Variants in TCF4 observed in about 807,000 individuals in gnomAD.
TCF4 encodes the protein SL3-3 enhancer factor 2.
TCF4 carries 3 observed loss-of-function variants against 82.1 expected under a neutral mutation model. That is an observed-to-expected ratio of 0.04 (90% CI 0.02 to 0.09). The LOEUF (loss-of-function observed/expected upper bound fraction) is 0.09, where lower values mean the gene tolerates loss of function less well. Ranked by LOEUF, TCF4 falls within the 10% of genes least tolerant of loss-of-function variation. The pLI is 1.00. For missense variants in TCF4, 518 were observed against 852.7 expected (o/e 0.61, Z 4.89); for synonymous variants, 276 against 309.6 (o/e 0.89, Z 1.14).
At chr18:55,523,130 A>C (rs1021395761) in intron 3 of TCF4, among the ~76,000 whole-genome samples, 1 of 152,072 alleles carries the variant, frequency 6.6e-6, no homozygotes, top group East Asian at 1.9e-4. Flanking sequence ...AAAGGAAAAA[A>C]CTGCCAAAAT....
At chr18:55,260,511 G>A (rs1488937730) in intron 12 of TCF4, among the ~76,000 whole-genome samples, 1 of 152,064 alleles carries the variant, frequency 6.6e-6, no homozygotes, top group Non-Finnish European at 1.5e-5. Flanking sequence ...TGCTCTCAAT[G>A]GTAAAAGCCA....
At chr18:55,608,955 C>T (rs1380102489) in intron 2 of TCF4, among the ~76,000 whole-genome samples, 3 of 152,118 alleles carry the variant, frequency 2.0e-5, no homozygotes, top group Admixed American at 2.0e-4. Context: ...GAGGAGGTAA[C>T]GAGGTCAGGA....
intron 10 of TCF4, among the ~76,000 whole-genome samples, chr18:55,275,334 T>G (rs1309014972): frequency 8.2e-6 from 1 of 122,026 alleles, no homozygotes; most frequent in African/African-American, 3.1e-5. Context: ...ACAACTTAAA[T>G]AGGTATCTAT....
In TCF4 at chr18:55,365,185, ATATATATG is replaced by A. The variant is rs1216917065; in HGVS notation, c.370-14190_370-14183del. ...TATATATATATATATATATATATAT[ATATATATG>A]TGTGTGTGTGTGTGTGTATATATAT... On this transcript the variant is annotated intron_variant, in intron 6 of 19. Coordinates refer to ENST00000354452, the MANE Select transcript of TCF4 (RefSeq NM_001083962.2). Among the ~76,000 whole-genome samples the A allele has an allele frequency of 1.3e-3, 134 of 105,692 alleles. 1 individual carries two copies. The highest frequency in any genetic ancestry group is 3.0e-3 in the Admixed American group (31 of 10,246). The allele number at this position is 105,692 out of a possible 152,430, so 69.3% of individuals were successfully genotyped here.
intron 3 of TCF4, among the ~76,000 whole-genome samples, chr18:55,546,576 CTATTT>C (rs1181825756): frequency 6.6e-6 from 1 of 152,024 alleles, no homozygotes; most frequent in African/African-American, 2.4e-5. Context: ...GATTGTATTT[CTATTT>C]GTTTTTCAAT....
Position 55,519,031 on chromosome 18 carries a change from C to CA in TCF4, c.146-54895dup, listed in dbSNP as rs1357220954. On this transcript the variant is annotated intron_variant, in intron 3 of 19. Transcript: ENST00000354452. ...GTCAATGCTCTTCAATAGTCTTCAG[C>CA]ACAAAGAGGGAAAAATAGGTGGAAA... 2.0e-5 allele frequency: 3 copies of CA among 152,090 alleles called. No homozygotes were observed. The East Asian group carries it at 5.8e-4, about 29-fold the overall frequency. The allele number at this position is 152,090 out of a possible 1,614,324, so 9.4% of individuals were successfully genotyped here.
chr18:55,498,853 T>C (rs1213703805), intron 3 of TCF4, among the ~76,000 whole-genome samples: 1 of 152,184 alleles, frequency 6.6e-6, no homozygotes, highest in Non-Finnish European at 1.5e-5. Context: ...GTAATGAGAA[T>C]GTGATGTAAT....
At chr18:55,470,570 AAC>A (rs2096152325) in intron 3 of TCF4, among the ~76,000 whole-genome samples, 1 of 152,202 alleles carries the variant, frequency 6.6e-6, no homozygotes, top group Non-Finnish European at 1.5e-5. Flanking sequence ...CCAAGCTAAG[AAC>A]ACAGACTAAA....
At chr18:55,480,192 C>T (rs1042955459) in intron 3 of TCF4, among the ~76,000 whole-genome samples, 1 of 148,840 alleles carries the variant, frequency 6.7e-6, no homozygotes, top group African/African-American at 2.5e-5. Flanking sequence ...ATGGGAATGA[C>T]CGTATTTACC....
intron 3 of TCF4, among the ~76,000 whole-genome samples, chr18:55,518,054 TGAA>T (rs2096899836): frequency 1.3e-5 from 2 of 152,178 alleles, no homozygotes; most frequent in Admixed American, 1.3e-4. Flanking sequence ...AATGATTACA[TGAA>T]TTAATGGCCT....
intron 3 of TCF4, among the ~76,000 whole-genome samples, 192 bp from the exon 4 acceptor site, chr18:55,464,329 A>T (rs967207656): frequency 6.6e-6 from 1 of 152,200 alleles, no homozygotes; most frequent in Non-Finnish European, 1.5e-5. Context: ...AGTAGAAATG[A>T]ACTGGACCCT....
chr18:55,595,373 T>C (rs993939116), intron 2 of TCF4, among the ~76,000 whole-genome samples: 14 of 152,214 alleles, frequency 9.2e-5, no homozygotes, highest in Admixed American at 7.2e-4. Context: ...CAATTATTGG[T>C]TTATTATGTT....
chr18:55,493,013 C>T (rs1309684184), intron 3 of TCF4, among the ~76,000 whole-genome samples: 1 of 152,166 alleles, frequency 6.6e-6, no homozygotes, highest in Admixed American at 6.6e-5. Flanking sequence ...GCCAATTTCA[C>T]ATCTCCATTG....
chr18:55,545,128 T>TATGC (rs2097195032), intron 3 of TCF4, among the ~76,000 whole-genome samples: 1 of 152,238 alleles, frequency 6.6e-6, no homozygotes, highest in African/African-American at 2.4e-5. Flanking sequence ...CTAACCTATG[T>TATGC]ATGCATCAGT....
At chr18:55,336,611 T>C (rs945972703) in intron 8 of TCF4, among the ~76,000 whole-genome samples, 1 of 152,228 alleles carries the variant, frequency 6.6e-6, no homozygotes. Flanking sequence ...AGGCCAGCAA[T>C]GAAAGGGTTA....
intron 8 of TCF4, chr18:55,302,354 C>A: frequency 6.9e-7 from 1 of 1,444,042 alleles, no homozygotes; most frequent in Non-Finnish European, 9.4e-7. Flanking sequence ...CACAGTGCAG[C>A]CCAAGAGGTG....
chr18:55,348,391 A>G (rs1313587633), intron 8 of TCF4, among the ~76,000 whole-genome samples: 3 of 152,182 alleles, frequency 2.0e-5, no homozygotes, highest in Non-Finnish European at 4.4e-5. Flanking sequence ...GACCATGAAA[A>G]CATTTAGTCA....
At chr18:55,618,752 AT>A (rs35018085) in intron 2 of TCF4, among the ~76,000 whole-genome samples, 40 of 147,716 alleles carry the variant, frequency 2.7e-4, no homozygotes, top group South Asian at 4.3e-4. Context: ...TGGCTAATTA[AT>A]TTTTTTTTTT....
chr18:55,403,518 C>T lies in TCF4; in HGVS notation c.305G>A (p.Ser102Asn), dbSNP rs796053413. The T allele has an allele frequency of 6.2e-7, 1 of 1,613,782 alleles. No homozygotes were observed. The highest frequency in any genetic ancestry group is 1.7e-5 in the Admixed American group (1 of 59,984). The change falls in exon 6 of 20, where the codon AGT becomes AAT. Residue 102 changes from serine (S) to asparagine (N), a missense_variant and splice_region_variant. Transcript: ENST00000354452. ...SPPFVNSRIQSKTERGSYSSY... is the reference protein window; with the variant it reads ...SPPFVNSRIQNKTERGSYSSY... ...TGAGTATGAGCCCCTTTCTGTTTTA[C>T]CTGCCAAGAGAAACGACAAAAAAGT... is the stretch of plus-strand genomic sequence containing the variant.
Sources: allele counts gnomAD v4.1 joint callset (sites outside exome capture counted in the v4.1 genomes callset), GRCh38; gene constraint gnomAD v4.1.1; transcripts MANE v1.5; gene names NCBI Gene and HGNC (gene_info 2026-07-23, HGNC 2026-07-21).